The following DNM3 variants were observed in gnomAD, a reference collection of about 807,000 sequenced individuals.
DNM3 encodes the protein dynamin-3.
Under a neutral mutation model 101.6 loss-of-function variants are expected in DNM3, and 47 were observed. The ratio of observed to expected loss-of-function variants is 0.46; its 90% CI spans 0.37 to 0.59. DNM3 has a LOEUF of 0.59. Among genes scored for constraint, DNM3 ranks in the 20% least tolerant of loss-of-function variants. The pLI is 0.00. For synonymous variants in DNM3, 385 were observed against 387.9 expected, an observed-to-expected ratio of 0.99 and a Z score of 0.09; for missense variants, 849 against 1,085.7, an observed-to-expected ratio of 0.78 and a Z score of 3.06.
intron 17 of DNM3, among the ~76,000 whole-genome samples, chr1:172,355,516 G>A (rs2067406853): frequency 6.6e-6 from 1 of 152,148 alleles, no homozygotes; most frequent in Non-Finnish European, 1.5e-5. Flanking sequence ...GCTGATAGAT[G>A]TTTAATAAGT....
At chr1:171,974,821 GT>G (rs138951317) in intron 2 of DNM3, among the ~76,000 whole-genome samples, 22,424 of 150,960 alleles carry the variant, frequency 0.15, 2,199 homozygotes, top group South Asian at 0.26. Flanking sequence ...ACAACCTTTG[GT>G]TCTTCTTTTT....
chr1:172,067,045 T>C (rs1418550884), intron 10 of DNM3, among the ~76,000 whole-genome samples: 2 of 152,112 alleles, frequency 1.3e-5, no homozygotes, highest in Admixed American at 6.6e-5. Flanking sequence ...AAGATTTCTC[T>C]TCTTGACACC....
intron 17 of DNM3, among the ~76,000 whole-genome samples, chr1:172,372,940 TC>T (rs1359649816): frequency 6.6e-6 from 1 of 151,988 alleles, no homozygotes; most frequent in African/African-American, 2.4e-5. Context: ...CACCTTGGCT[TC>T]CCAAAGTGTT....
intron 17 of DNM3, among the ~76,000 whole-genome samples, chr1:172,351,727 AC>A (rs1335028537): frequency 1.1e-4 from 17 of 152,280 alleles, no homozygotes; most frequent in African/African-American, 3.6e-4. Flanking sequence ...CTTCTACCCA[AC>A]TAAAATGGAC....
chr1:172,234,120 A>G (rs913380627), intron 14 of DNM3, among the ~76,000 whole-genome samples: 1 of 152,084 alleles, frequency 6.6e-6, no homozygotes, highest in African/African-American at 2.4e-5. Context: ...TGCAGATGAC[A>G]TGATTGTATA....
intron 1 of DNM3, among the ~76,000 whole-genome samples, chr1:171,896,656 A>G (rs1442298696): frequency 1.3e-5 from 2 of 152,152 alleles, no homozygotes; most frequent in East Asian, 3.8e-4. Context: ...CTCTTGCCTG[A>G]TAGCCCTGGC....
intron 17 of DNM3, among the ~76,000 whole-genome samples, chr1:172,360,480 CA>C (rs2067682931): frequency 1.5e-5 from 1 of 67,996 alleles, no homozygotes; most frequent in Non-Finnish European, 3.2e-5. Flanking sequence ...CTGAGACATC[CA>C]AATTTGTTTA....
At chr1:172,202,715 T>C (rs1156623602) in intron 14 of DNM3, among the ~76,000 whole-genome samples, 3 of 152,138 alleles carry the variant, frequency 2.0e-5, no homozygotes, top group African/African-American at 7.2e-5. Context: ...ACACCACAGA[T>C]ATAAGAAGAA....
At chr1:172,405,516 A>C (rs1057431863) in intron 20 of DNM3, among the ~76,000 whole-genome samples, 2 of 152,080 alleles carry the variant, frequency 1.3e-5, no homozygotes, top group African/African-American at 4.8e-5. Flanking sequence ...TCTTGGCTAC[A>C]AGCCTTGATC....
At chr1:171,902,620 T>C (rs1220433352) in intron 1 of DNM3, among the ~76,000 whole-genome samples, 1 of 151,980 alleles carries the variant, frequency 6.6e-6, no homozygotes, top group Non-Finnish European at 1.5e-5. Flanking sequence ...CTTAAATCTT[T>C]TTTTTTTTAA....
chr1:172,031,682 C>A (rs913777479), intron 4 of DNM3, among the ~76,000 whole-genome samples: 1 of 152,122 alleles, frequency 6.6e-6, no homozygotes, highest in African/African-American at 2.4e-5. Context: ...TAGGTTCTTA[C>A]ATTATTTATT....
chr1:171,899,802 A>G (rs1558234499), intron 1 of DNM3, among the ~76,000 whole-genome samples: 1 of 152,212 alleles, frequency 6.6e-6, no homozygotes, highest in African/African-American at 2.4e-5. Context: ...GACAAAACAT[A>G]TATAGTGGGT....
At chr1:172,026,497 C>G (rs913302413) in intron 4 of DNM3, among the ~76,000 whole-genome samples, 1 of 152,122 alleles carries the variant, frequency 6.6e-6, no homozygotes, top group African/African-American at 2.4e-5. Context: ...CCCCAAGACA[C>G]ATAACCGTCA....
At chr1:172,107,246 G>GA (rs1416897637) in intron 13 of DNM3, among the ~76,000 whole-genome samples, 3 of 152,064 alleles carry the variant, frequency 2.0e-5, no homozygotes, top group African/African-American at 7.2e-5. Flanking sequence ...AAATTAGGGA[G>GA]AAAAAAATAC....
chr1:171,943,756 A>C (rs1349827030), intron 2 of DNM3, among the ~76,000 whole-genome samples: 1 of 152,214 alleles, frequency 6.6e-6, no homozygotes, highest in African/African-American at 2.4e-5. Context: ...ACATGTTTTC[A>C]GGATCTCCTG....
chr1:171,913,233 G>T (rs1178244005), intron 1 of DNM3, among the ~76,000 whole-genome samples: 1 of 152,052 alleles, frequency 6.6e-6, no homozygotes, highest in Non-Finnish European at 1.5e-5. Context: ...TTTGAATTTT[G>T]TGAATAAAAG....
At chr1:171,900,880 G>A (rs1052908494) in intron 1 of DNM3, among the ~76,000 whole-genome samples, 1 of 152,050 alleles carries the variant, frequency 6.6e-6, no homozygotes, top group Admixed American at 6.5e-5. Flanking sequence ...AGGCCGAGGC[G>A]GGCGGATCAC....
At position 171,896,083 on chromosome 1, in the gene DNM3, A is replaced by G. The variant is rs980908735; in HGVS notation, c.162-25665A>G. Among the ~76,000 whole-genome samples, 250 of 152,160 alleles carry G rather than the reference A, an allele frequency of 1.6e-3. 1 individual carries two copies. Among genetic ancestry groups the G allele is most frequent in the Non-Finnish European group, 4.4e-4 (30 of 67,968 alleles). On this transcript the variant is annotated intron_variant, in intron 1 of 20. Transcript: ENST00000627582. Reference sequence around the variant, plus strand: ...GAAGTCAGGTAGCGTGATGCCTCCAACTTTGTTCTTTTTGCTTAGGATTGT... The same window carrying G: ...GAAGTCAGGTAGCGTGATGCCTCCAGCTTTGTTCTTTTTGCTTAGGATTGT...
At chr1:172,171,527 T>C (rs941717389) in intron 14 of DNM3, among the ~76,000 whole-genome samples, 1 of 151,796 alleles carries the variant, frequency 6.6e-6, no homozygotes, top group African/African-American at 2.4e-5. Flanking sequence ...ATAGGTTAGC[T>C]GTGCATTTTA....
Sources: allele counts gnomAD v4.1 joint callset (sites outside exome capture counted in the v4.1 genomes callset), GRCh38; gene constraint gnomAD v4.1.1; transcripts MANE v1.5; gene names NCBI Gene and HGNC (gene_info 2026-07-23, HGNC 2026-07-21).